NEIL2: variants seen among roughly 807,000 people sequenced by gnomAD.
NEIL2 encodes nei like DNA glycosylase 2.
A neutral mutation model predicts 22.2 loss-of-function variants in NEIL2; 23 were observed. That is an observed-to-expected ratio of 1.04 (90% CI 0.75 to 1.47). NEIL2 has a LOEUF of 1.47. Ranked by LOEUF, NEIL2 falls within the 40% of genes most tolerant of loss-of-function variation. The pLI is 0.00. For synonymous variants in NEIL2, 229 were observed against 164.8 expected (o/e 1.39, Z -2.99); for missense variants, 583 against 404.7 (o/e 1.44, Z -3.78).
chr8:11,771,523 G>A lies in NEIL2; in HGVS notation c.76G>A (p.Gly26Arg), dbSNP rs765827393. The A allele has an allele frequency of 5.6e-6, 9 of 1,613,898 alleles. No individual in the cohort carries two copies. The highest frequency in any genetic ancestry group is 5.0e-5 in the Admixed American group (3 of 60,022). ...TGTGGGTCAGCAGGTGGTCAAGACA[G>A]GGGGCAGCAGTAAGAAGCTACAGCC... ...PFVGQQVVKT[G>R]GSSKKLQPAS... The change falls in exon 2 of 5, where the codon GGG (glycine) becomes AGG (arginine). Residue 26 changes from glycine to arginine, a missense_variant. Transcript: ENST00000284503.
At chr8:11,781,289 G>A (rs182994618) in intron 3 of NEIL2, among the ~76,000 whole-genome samples, 2 of 152,288 alleles carry the variant, frequency 1.3e-5, no homozygotes, top group East Asian at 3.9e-4. Flanking sequence ...AGGAGGGTGG[G>A]CTTTGGGGCT....
At chr8:11,784,447 C>A (rs1020868032) in intron 4 of NEIL2, among the ~76,000 whole-genome samples, 1 of 152,168 alleles carries the variant, frequency 6.6e-6, no homozygotes, top group East Asian at 1.9e-4. Context: ...GAGAACACAT[C>A]GCTAGTAAAT....
Position 11,771,579 on chromosome 8 carries a change from C to T in NEIL2, c.132C>T (p.Asp44=), listed in dbSNP as rs1331893111. 6.2e-7 allele frequency: 1 copy of T among 1,613,784 alleles called. No individual in the cohort carries two copies. The highest frequency in any genetic ancestry group is 8.5e-7 in the Non-Finnish European group (1 of 1,179,842). The stretch of plus-strand genomic sequence containing the variant: ...GCCTGCAGTCTCTGTGGCTCCAGGA[C>T]ACCCAGGTGAGGTAATACTCCTCTG... The part of the protein sequence containing the change: ...PASLQSLWLQ[D]TQVHGKKLFL... The change falls in exon 2 of 5, where the codon GAC becomes GAT. Residue 44 remains aspartate (D), a synonymous_variant. Transcript: ENST00000284503.
chr8:11,779,560 G>A (rs1194457794), intron 2 of NEIL2, 38 bp from the exon 3 acceptor site: 1 of 1,468,432 alleles, frequency 6.8e-7, no homozygotes, highest in Admixed American at 1.7e-5. Flanking sequence ...TCCCCTCTCT[G>A]GGTCTGTAAG....
At chr8:11,775,917 C>T (rs763934328) in intron 2 of NEIL2, among the ~76,000 whole-genome samples, 14 of 152,240 alleles carry the variant, frequency 9.2e-5, no homozygotes, top group Admixed American at 1.3e-4. Context: ...AAGTTCCAAA[C>T]TTTCCCACAT....
intron 4 of NEIL2, among the ~76,000 whole-genome samples, chr8:11,785,381 A>C (rs1423665148): frequency 6.6e-6 from 1 of 151,244 alleles, no homozygotes; most frequent in African/African-American, 2.4e-5. Context: ...TTTTTGGTAG[A>C]GATGGGGTTT....
At chr8:11,785,157 C>T (rs932640903) in intron 4 of NEIL2, among the ~76,000 whole-genome samples, 1 of 151,994 alleles carries the variant, frequency 6.6e-6, no homozygotes, top group African/African-American at 2.4e-5. Flanking sequence ...CAGGCGTGTG[C>T]CACTGTGCCT....
intron 3 of NEIL2, among the ~76,000 whole-genome samples, chr8:11,782,455 A>G (rs1194497173): frequency 6.6e-6 from 1 of 152,200 alleles, no homozygotes; most frequent in Non-Finnish European, 1.5e-5. Context: ...TCAAAAAAGC[A>G]TTTAATATGC....
At chr8:11,776,142 G>A (rs1177506748) in intron 2 of NEIL2, among the ~76,000 whole-genome samples, 2 of 152,226 alleles carry the variant, frequency 1.3e-5, no homozygotes, top group Admixed American at 1.3e-4. Context: ...AATTCCACAT[G>A]TCTGGGGAGT....
rs8191577 is a variant in NEIL2 at position 11,775,592 on chromosome 8, C to A, written c.139-4006C>A. Among the ~76,000 whole-genome samples, 435 of 152,320 alleles carry A rather than the reference C, an allele frequency of 2.9e-3. 4 individuals carry two copies. Among genetic ancestry groups the A allele is most frequent in the South Asian group, 0.02 (97 of 4,822 alleles). ...TCTGCAGCCAGCTTGAATTTCTCCCCAGAAAATGGGTTTTTCTTTTCTACT... is the reference window on the plus strand; with the variant it reads ...TCTGCAGCCAGCTTGAATTTCTCCCAAGAAAATGGGTTTTTCTTTTCTACT... On this transcript the variant is annotated intron_variant, in intron 2 of 4. Transcript: ENST00000284503.
At chr8:11,777,590 A>G (rs1212219225) in intron 2 of NEIL2, among the ~76,000 whole-genome samples, 2 of 151,976 alleles carry the variant, frequency 1.3e-5, no homozygotes, top group African/African-American at 2.4e-5. Flanking sequence ...GTCTCGATGA[A>G]TTTTACTTCC....
At chr8:11,770,871 G>A (rs951444435) in intron 1 of NEIL2, among the ~76,000 whole-genome samples, 6 of 152,106 alleles carry the variant, frequency 3.9e-5, no homozygotes, top group African/African-American at 4.8e-5. Context: ...AGCTATGCCG[G>A]GCTTACCTAC....
At chr8:11,771,677 C>G (rs1026437349) in intron 2 of NEIL2, 92 bp downstream of exon 2, 4 of 1,396,220 alleles carry the variant, frequency 2.9e-6, no homozygotes, top group Non-Finnish European at 3.9e-6. Flanking sequence ...TGTCACTTCC[C>G]TGAGTCCGGA....
At position 11,771,550 on chromosome 8, in the gene NEIL2, G is replaced by C. The variant is rs139439505; in HGVS notation, c.103G>C (p.Ala35Pro). 2.5e-5 allele frequency: 40 copies of C among 1,613,914 alleles called. No individual in the cohort carries two copies. Among genetic ancestry groups the C allele is most frequent in the Admixed American group, 3.3e-5 (2 of 59,984 alleles). ...GGGCAGCAGTAAGAAGCTACAGCCC[G>C]CCAGCCTGCAGTCTCTGTGGCTCCA... ...TGGSSKKLQP[A>P]SLQSLWLQDT... Residue 35 changes from alanine (A) to proline (P), a missense_variant, in exon 2 of 5, where the codon GCC becomes CCC. Transcript: ENST00000284503.
Position 11,783,408 on chromosome 8 carries a change from C to T in NEIL2, c.688+9C>T, listed in dbSNP as rs1159154899. 2.5e-6 allele frequency: 4 copies of T among 1,612,650 alleles called. No homozygotes were observed. The highest frequency in any genetic ancestry group is 2.7e-5 in the African/African-American group (2 of 75,020). On this transcript the variant is annotated intron_variant, in intron 4 of 4. Transcript: ENST00000284503. ...ATACTTCTCAGGGCTAGGTATGACT[C>T]ATGGGAAAGGGGTGAGTCCACAGAG...
At chr8:11,781,921 G>A (rs963588726) in intron 3 of NEIL2, among the ~76,000 whole-genome samples, 6 of 151,958 alleles carry the variant, frequency 3.9e-5, no homozygotes, top group South Asian at 2.1e-4. Context: ...AAAATTAACC[G>A]GGTGTGGGGG....
chr8:11,771,533 G>GT lies in NEIL2; in HGVS notation c.87dup (p.Lys30Ter). The GT allele has an allele frequency of 6.2e-7, 1 of 1,614,148 alleles. No homozygotes were observed. ...CAGGTGGTCAAGACAGGGGGCAGCA[G>GT]TAAGAAGCTACAGCCCGCCAGCCTG... On this transcript the variant is annotated frameshift_variant, in exon 2 of 5. Transcript: ENST00000284503. LOFTEE classifies it high-confidence loss of function.
At chr8:11,784,386 G>A (rs1348099696) in intron 4 of NEIL2, among the ~76,000 whole-genome samples, 2 of 152,240 alleles carry the variant, frequency 1.3e-5, no homozygotes, top group Admixed American at 6.5e-5. Context: ...CTGCTGTCCT[G>A]TAGGATGGTT....
At chr8:11,783,111 GATGTGTGT>G in intron 3 of NEIL2, 84 bp from the exon 4 acceptor site, 1 of 1,008,582 alleles carries the variant, frequency 9.9e-7, no homozygotes, top group Non-Finnish European at 1.6e-6. Context: ...ACGATGTGGG[GATGTGTGT>G]ATGTGTGTAT....
Sources: gnomAD v4.1 joint callset for allele counts (sites outside exome capture counted in the v4.1 genomes callset) on GRCh38, gnomAD v4.1.1 for gene constraint, MANE v1.5 for transcripts, NCBI Gene and HGNC (gene_info 2026-07-23, HGNC 2026-07-21) for gene names.